Variants in TSHZ2 observed in about 807,000 individuals in gnomAD.
TSHZ2 encodes the protein teashirt homolog 2.
Under a neutral mutation model 74.4 loss-of-function variants are expected in TSHZ2, and 21 were observed. That is an observed-to-expected ratio of 0.28 (90% CI 0.20 to 0.41). The LOEUF (loss-of-function observed/expected upper bound fraction) is 0.41. Ranked by LOEUF, TSHZ2 falls within the 10% of genes least tolerant of loss-of-function variation. The pLI, the probability that TSHZ2 is intolerant of heterozygous loss-of-function variation, is 1.00. For missense variants in TSHZ2, 1,244 were observed against 1,293.5 expected, an observed-to-expected ratio of 0.96 and a Z score of 0.59; for synonymous variants, 540 against 515.3, an observed-to-expected ratio of 1.05 and a Z score of -0.65.
At position 53,443,992 on chromosome 20, in the gene TSHZ2, C is replaced by T. The variant is rs114122292; in HGVS notation, c.*9-43152C>T. The stretch of plus-strand genomic sequence containing the variant: ...TGAAGAGAGGTTTGGAGAGAGGGAA[C>T]GCGTCCCTGGGAATCGTCTCTCTAG... On this transcript the variant is annotated intron_variant, in intron 2 of 2. Transcript: ENST00000371497. 2.0e-3 allele frequency among the ~76,000 whole-genome samples: 298 copies of T among 152,272 alleles called. 1 individual carries two copies. Among genetic ancestry groups the T allele is most frequent in the African/African-American group, 6.9e-3 (286 of 41,550 alleles).
At chr20:53,283,032 A>G (rs1049766220) in intron 2 of TSHZ2, among the ~76,000 whole-genome samples, 1 of 152,234 alleles carries the variant, frequency 6.6e-6, no homozygotes, top group African/African-American at 2.4e-5. Context: ...TGTACCAGGC[A>G]CCATCAAAGC....
chr20:53,059,624 A>C (rs1245115759), intron 1 of TSHZ2, among the ~76,000 whole-genome samples: 1 of 152,168 alleles, frequency 6.6e-6, no homozygotes. Context: ...AAAATGTTTT[A>C]GTGTGATTAG....
chr20:53,371,733 G>T (rs1981478646), intron 2 of TSHZ2, among the ~76,000 whole-genome samples: 1 of 151,678 alleles, frequency 6.6e-6, no homozygotes, highest in Admixed American at 6.6e-5. Flanking sequence ...AAAGTTAGCG[G>T]GGCATGGTGG....
At chr20:53,023,249 G>A (rs1442587662) in intron 1 of TSHZ2, among the ~76,000 whole-genome samples, 1 of 152,136 alleles carries the variant, frequency 6.6e-6, no homozygotes, top group African/African-American at 2.4e-5. Context: ...GACACTTGGA[G>A]GTGGTGTTCA....
At chr20:53,270,398 T>G (rs1990810692) in intron 2 of TSHZ2, among the ~76,000 whole-genome samples, 1 of 152,022 alleles carries the variant, frequency 6.6e-6, no homozygotes, top group South Asian at 2.1e-4. Context: ...TCTCCTAAAT[T>G]CTATAAAGAA....
intron 1 of TSHZ2, among the ~76,000 whole-genome samples, chr20:53,166,316 C>T (rs1214120938): frequency 6.6e-6 from 1 of 152,156 alleles, no homozygotes; most frequent in Non-Finnish European, 1.5e-5. Flanking sequence ...TGCACACAGA[C>T]ATTGAATAAG....
At position 53,301,821 on chromosome 20, in the gene TSHZ2, G is replaced by A. The variant is rs150388082; in HGVS notation, c.*8+45250G>A. Among the ~76,000 whole-genome samples the A allele has an allele frequency of 7.9e-5, 12 of 152,262 alleles. No individual in the cohort carries two copies. In the East Asian group the frequency reaches 1.9e-3, roughly 24 times the overall value. On this transcript the variant is annotated intron_variant, in intron 2 of 2. Transcript: ENST00000371497. ...TTCTATTAGGAGAAAATTCACCTTC[G>A]TGGCAGCGCCATTTGACGGGAGAAA...
At position 53,009,907 on chromosome 20, in the gene TSHZ2, T is replaced by C. The variant is rs190144214; in HGVS notation, c.40+36574T>C. On this transcript the variant is annotated intron_variant, in intron 1 of 2. Transcript: ENST00000371497. ...GACCTACATTGGGAACTCTGAGGAT[T>C]TTGTTTGTTTGTTTGATTTGTTTCT... Among the ~76,000 whole-genome samples the C allele has an allele frequency of 1.0e-3, 159 of 152,238 alleles. 1 individual carries two copies. Among genetic ancestry groups the C allele is most frequent in the Non-Finnish European group, 6.0e-4 (41 of 67,998 alleles).
chr20:52,995,787 A>AT (rs11474850), intron 1 of TSHZ2, among the ~76,000 whole-genome samples: 137 of 142,630 alleles, frequency 9.6e-4, no homozygotes, highest in South Asian at 3.9e-3. Flanking sequence ...TAATTTTTGT[A>AT]TTTTTTTTTT....
chr20:53,493,340 C>T lies in TSHZ2; in HGVS notation c.*6205C>T, dbSNP rs1293165653. On this transcript the variant is annotated 3_prime_UTR_variant, in exon 3 of 3. Transcript: ENST00000371497. ...TGTCTGCATGAGTCCCGTCCAATTGCTGGATCTAGGGAGGAACCAACTTCC... is the reference window on the plus strand; with the variant it reads ...TGTCTGCATGAGTCCCGTCCAATTGTTGGATCTAGGGAGGAACCAACTTCC... 2.6e-5 allele frequency: 4 copies of T among 152,204 alleles called. No homozygotes were observed. The highest frequency in any genetic ancestry group is 3.8e-4 in the East Asian group (2 of 5,198). 9.4% of individuals were successfully genotyped at this position (152,204 alleles called of 1,614,324 possible).
chr20:53,257,441 A>G (rs909480288), intron 2 of TSHZ2, among the ~76,000 whole-genome samples: 2 of 152,226 alleles, frequency 1.3e-5, no homozygotes, highest in African/African-American at 4.8e-5. Context: ...CATGTGTCAT[A>G]GAAGTTCCAT....
intron 2 of TSHZ2, among the ~76,000 whole-genome samples, chr20:53,439,314 T>C (rs868252189): frequency 6.6e-6 from 1 of 152,188 alleles, no homozygotes; most frequent in Non-Finnish European, 1.5e-5. Flanking sequence ...CAGAAGATAC[T>C]AATGTTTAAT....
intron 2 of TSHZ2, among the ~76,000 whole-genome samples, chr20:53,369,710 C>CA (rs373369482): frequency 2.2e-4 from 33 of 149,656 alleles, no homozygotes; most frequent in African/African-American, 7.4e-4. Flanking sequence ...GACTCTGTCT[C>CA]AAAAAAAAGA....
At chr20:53,367,455 A>G (rs757073537) in intron 2 of TSHZ2, among the ~76,000 whole-genome samples, 148 of 151,960 alleles carry the variant, frequency 9.7e-4, no homozygotes, top group Non-Finnish European at 5.6e-4. Flanking sequence ...AAACAACTTT[A>G]CTCTCCTGAG....
intron 2 of TSHZ2, among the ~76,000 whole-genome samples, chr20:53,292,026 C>T (rs1050760933): frequency 2.6e-5 from 4 of 151,090 alleles, no homozygotes; most frequent in African/African-American, 9.7e-5. Flanking sequence ...TAGGGAATTT[C>T]GTTAAGGGGA....
chr20:53,325,594 T>C (rs959579738), intron 2 of TSHZ2, among the ~76,000 whole-genome samples: 3 of 152,138 alleles, frequency 2.0e-5, no homozygotes, highest in African/African-American at 7.2e-5. Context: ...TGAACTGCCT[T>C]CTAGAAGCTC....
chr20:53,190,282 G>A (rs1600732122), intron 1 of TSHZ2, among the ~76,000 whole-genome samples: 1 of 150,990 alleles, frequency 6.6e-6, no homozygotes, highest in Admixed American at 6.6e-5. Context: ...GGCTAAGTAG[G>A]TTGTCCAACC....
chr20:53,138,755 T>C (rs369846291), intron 1 of TSHZ2, among the ~76,000 whole-genome samples: 3 of 152,230 alleles, frequency 2.0e-5, no homozygotes, highest in East Asian at 1.9e-4. Flanking sequence ...ACTCTGCTGG[T>C]AACATTCAAC....
Position 53,488,956 on chromosome 20 carries a change from C to T in TSHZ2, c.*1821C>T, listed in dbSNP as rs771705672. 10 of 455,052 alleles carry T rather than the reference C, an allele frequency of 2.2e-5. No individual in the cohort carries two copies. Among genetic ancestry groups the T allele is most frequent in the South Asian group, 9.3e-5 (6 of 64,508 alleles). 28.2% of individuals were successfully genotyped at this position (455,052 alleles called of 1,614,324 possible). On this transcript the variant is annotated 3_prime_UTR_variant, in exon 3 of 3. Transcript: ENST00000371497. The stretch of plus-strand genomic sequence containing the variant: ...CTAGATGGGAAAAAATATGGCGCTT[C>T]GGGGAAGGAGGGAAAAAGTAAATGA...
Sources: allele counts gnomAD v4.1 joint callset (sites outside exome capture counted in the v4.1 genomes callset), GRCh38; gene constraint gnomAD v4.1.1; transcripts MANE v1.5; gene names NCBI Gene and HGNC (gene_info 2026-07-23, HGNC 2026-07-21).